SNX24: variants seen among roughly 807,000 people sequenced by gnomAD.
SNX24 encodes the protein sorting nexin 24, also known as sorting nexin-24.
In SNX24, 22 loss-of-function variants were observed where a neutral mutation model predicts 28.7. The ratio of observed to expected loss-of-function variants is 0.77; its 90% CI spans 0.55 to 1.10. The LOEUF (loss-of-function observed/expected upper bound fraction) is 1.10. SNX24 is among the 50% of genes least tolerant of loss of function. The pLI is 0.00. For synonymous variants in SNX24, 69 were observed against 71.5 expected, an observed-to-expected ratio of 0.96 and a Z score of 0.18; for missense variants, 221 against 201.1, an observed-to-expected ratio of 1.10 and a Z score of -0.60.
chr5:122,985,247 TG>T lies in SNX24; in HGVS notation c.250-14664del, dbSNP rs146667003. 9.0e-3 allele frequency among the ~76,000 whole-genome samples: 1,369 copies of T among 152,240 alleles called. 21 individuals carry two copies. The highest frequency in any genetic ancestry group is 0.07 in the East Asian group (363 of 5,176). ...CACAGCATGACCTTTCACCAGAGCT[TG>T]AGAGAGGCACTGTGGATCCTGCCCT... On this transcript the variant is annotated intron_variant, in intron 3 of 6. Coordinates refer to ENST00000261369, the MANE Select transcript of SNX24 (RefSeq NM_014035.4).
At chr5:123,002,054 A>C (rs1173143211) in intron 6 of SNX24, 50 bp downstream of exon 6, 1 of 1,389,122 alleles carries the variant, frequency 7.2e-7, no homozygotes, top group East Asian at 2.3e-5. Context: ...CTGACCCTGC[A>C]CCACATAAAC....
chr5:122,905,855 G>C (rs1368364041), intron 1 of SNX24, among the ~76,000 whole-genome samples: 1 of 152,136 alleles, frequency 6.6e-6, no homozygotes, highest in East Asian at 1.9e-4. Flanking sequence ...CTACCTTCCT[G>C]GTTGAACTCA....
intron 1 of SNX24, among the ~76,000 whole-genome samples, chr5:122,931,042 A>G (rs1758932561): frequency 6.6e-6 from 1 of 152,208 alleles, no homozygotes; most frequent in Non-Finnish European, 1.5e-5. Flanking sequence ...AGGGCTTACT[A>G]TATTTAGAGA....
chr5:123,021,112 C>A (rs1178504965), intron 5 of SNX24, among the ~76,000 whole-genome samples: 1 of 151,468 alleles, frequency 6.6e-6, no homozygotes, highest in African/African-American at 2.4e-5. Flanking sequence ...GTTCCCCCCC[C>A]GTCCCCATGG....
intron 1 of SNX24, among the ~76,000 whole-genome samples, chr5:122,933,722 G>A (rs1044867209): frequency 6.6e-6 from 1 of 152,054 alleles, no homozygotes; most frequent in Non-Finnish European, 1.5e-5. Context: ...AAGTGTGTGG[G>A]GTTTTTTTGT....
intron 1 of SNX24, among the ~76,000 whole-genome samples, chr5:122,910,837 A>C (rs1417960733): frequency 2.0e-5 from 3 of 151,916 alleles, no homozygotes; most frequent in Non-Finnish European, 2.9e-5. Flanking sequence ...CATGGTGTAT[A>C]TGTGCCACAT....
At chr5:122,996,245 A>G (rs1332421056) in intron 3 of SNX24, among the ~76,000 whole-genome samples, 1 of 152,188 alleles carries the variant, frequency 6.6e-6, no homozygotes, top group Non-Finnish European at 1.5e-5. Context: ...GAAAACTGAA[A>G]CAAGAAGGCC....
intron 6 of SNX24, among the ~76,000 whole-genome samples, chr5:123,006,867 GC>G (rs1387999577): frequency 2.6e-5 from 4 of 152,138 alleles, no homozygotes; most frequent in Non-Finnish European, 2.9e-5. Flanking sequence ...GAGGCTAGAT[GC>G]ATATTTTTTT....
intron 1 of SNX24, among the ~76,000 whole-genome samples, chr5:122,879,067 G>A (rs886464625): frequency 2.6e-5 from 4 of 151,952 alleles, no homozygotes; most frequent in Non-Finnish European, 5.9e-5. Flanking sequence ...GAAATGAATT[G>A]TAATAATATA....
At chr5:123,028,736 G>A (rs1365366544) in intron 5 of SNX24, 7 of 1,519,704 alleles carry the variant, frequency 4.6e-6, no homozygotes, top group South Asian at 1.1e-5. Context: ...CTTAGATTTC[G>A]GTTTGGTAAA....
intron 1 of SNX24, among the ~76,000 whole-genome samples, chr5:122,934,900 A>C (rs1561620681): frequency 6.6e-6 from 1 of 152,084 alleles, no homozygotes; most frequent in Non-Finnish European, 1.5e-5. Context: ...GTGAAGAGTA[A>C]CTGTGGAACT....
chr5:122,915,157 G>A lies in SNX24; in HGVS notation c.61-21577G>A, dbSNP rs544999578. On this transcript the variant is annotated intron_variant, in intron 1 of 6. Transcript: ENST00000261369. ...AAATGGTCTCAACTTACTGCCAAGT[G>A]CTGTTGACTCTACCACCTAATCATC... 2.0e-5 allele frequency among the ~76,000 whole-genome samples: 3 copies of A among 152,280 alleles called. No individual in the cohort carries two copies. The South Asian group carries it at 6.2e-4, about 32-fold the overall frequency.
intron 1 of SNX24, among the ~76,000 whole-genome samples, chr5:122,928,027 C>A (rs1283292918): frequency 6.6e-6 from 1 of 152,140 alleles, no homozygotes; most frequent in Non-Finnish European, 1.5e-5. Context: ...TTTTTATGTA[C>A]TTTTACATAA....
intron 1 of SNX24, among the ~76,000 whole-genome samples, chr5:122,896,257 C>T (rs1757197134): frequency 6.6e-6 from 1 of 152,216 alleles, no homozygotes; most frequent in Non-Finnish European, 1.5e-5. Flanking sequence ...TTTCCCCATT[C>T]CTATGGCAGA....
chr5:122,850,960 A>G (rs1252882573), intron 1 of SNX24, among the ~76,000 whole-genome samples: 1 of 152,102 alleles, frequency 6.6e-6, no homozygotes, highest in Non-Finnish European at 1.5e-5. Flanking sequence ...TTTACAAGAA[A>G]GAAAGTGCCA....
chr5:122,997,942 A>G (rs1336486650), intron 3 of SNX24, among the ~76,000 whole-genome samples: 1 of 152,186 alleles, frequency 6.6e-6, no homozygotes, highest in Non-Finnish European at 1.5e-5. Flanking sequence ...CTAGAAAAAA[A>G]AACAATCATT....
intron 5 of SNX24, chr5:123,022,415 C>T (rs2150187435): frequency 6.6e-6 from 1 of 152,062 alleles, no homozygotes; most frequent in Non-Finnish European, 1.5e-5. Context: ...CAAGCACTCT[C>T]TATTATAGCC....
intron 1 of SNX24, among the ~76,000 whole-genome samples, chr5:122,900,488 C>A (rs1337685718): frequency 6.6e-6 from 1 of 152,078 alleles, no homozygotes; most frequent in Non-Finnish European, 1.5e-5. Context: ...AACTAAGGGC[C>A]TGGTGGAATG....
At chr5:122,919,729 A>G (rs1017197648) in intron 1 of SNX24, among the ~76,000 whole-genome samples, 6 of 152,224 alleles carry the variant, frequency 3.9e-5, no homozygotes, top group African/African-American at 1.4e-4. Context: ...TCAGAGAGAC[A>G]GTGTGTTTTT....
Sources: gnomAD v4.1 joint callset for allele counts (sites outside exome capture counted in the v4.1 genomes callset) on GRCh38, gnomAD v4.1.1 for gene constraint, MANE v1.5 for transcripts, NCBI Gene and HGNC (gene_info 2026-07-23, HGNC 2026-07-21) for gene names.